The following SGMS1 variants were observed in gnomAD, a reference collection of about 807,000 sequenced individuals.
SGMS1 encodes phosphatidylcholine:ceramide cholinephosphotransferase 1.
In SGMS1, 13 loss-of-function variants were observed where a neutral mutation model predicts 46.2. The ratio of observed to expected loss-of-function variants is 0.28; its 90% CI spans 0.18 to 0.45. The LOEUF (loss-of-function observed/expected upper bound fraction) is 0.45, where lower values mean the gene tolerates loss of function less well. Ranked by LOEUF, SGMS1 falls within the 20% of genes least tolerant of loss-of-function variation. SGMS1 has a pLI of 1.00. For synonymous variants in SGMS1, 203 were observed against 187.8 expected (o/e 1.08, Z -0.66); for missense variants, 324 against 519.9 (o/e 0.62, Z 3.66).
At chr10:50,562,105 C>G (rs967095418) in intron 2 of SGMS1, among the ~76,000 whole-genome samples, 1 of 152,150 alleles carries the variant, frequency 6.6e-6, no homozygotes, top group South Asian at 2.1e-4. Flanking sequence ...CTCAGGCCTA[C>G]GCTTTCTTTT....
chr10:50,597,126 T>A (rs888464416), intron 1 of SGMS1, among the ~76,000 whole-genome samples: 7 of 152,160 alleles, frequency 4.6e-5, no homozygotes, highest in Admixed American at 1.3e-4. Context: ...TAAAAAGGCA[T>A]AATAACCACC....
intron 2 of SGMS1, among the ~76,000 whole-genome samples, chr10:50,584,498 C>CAAAAA (rs751224205): frequency 1.0e-4 from 7 of 69,546 alleles, no homozygotes; most frequent in African/African-American, 1.7e-4. Flanking sequence ...GACTCCATCT[C>CAAAAA]AAAAAAAAAA....
At chr10:50,443,973 T>A (rs1246322001) in intron 5 of SGMS1, among the ~76,000 whole-genome samples, 2 of 152,118 alleles carry the variant, frequency 1.3e-5, no homozygotes, top group African/African-American at 4.8e-5. Context: ...AATATTGTGA[T>A]CTGCAGAGTA....
chr10:50,513,994 T>C (rs1186778286), intron 3 of SGMS1, among the ~76,000 whole-genome samples: 3 of 152,088 alleles, frequency 2.0e-5, no homozygotes, highest in Non-Finnish European at 4.4e-5. Flanking sequence ...ACTTTCCTCC[T>C]ACCAAAGGAA....
Position 50,333,645 on chromosome 10 carries a change from T to C in SGMS1, c.624-6323A>G, listed in dbSNP as rs142925571. 3.8e-3 allele frequency among the ~76,000 whole-genome samples: 578 copies of C among 152,276 alleles called. 6 individuals carry two copies. The highest frequency in any genetic ancestry group is 0.013 in the African/African-American group (560 of 41,556). On this transcript the variant is annotated intron_variant, in intron 7 of 10. Coordinates refer to ENST00000361781, the MANE Select transcript of SGMS1 (RefSeq NM_147156.4). ...AAATCCAGGGCTTAATTCAGTACTT[T>C]AGGAGAGAAAATTCTAAGGAAAGGT... is the stretch of plus-strand genomic sequence containing the variant.
intron 6 of SGMS1, among the ~76,000 whole-genome samples, chr10:50,360,155 T>C (rs942043358): frequency 1.3e-5 from 2 of 152,226 alleles, no homozygotes; most frequent in Non-Finnish European, 2.9e-5. Context: ...ATAGGAATCT[T>C]GGCTTTCTGT....
chr10:50,329,393 C>A (rs1363089017), intron 7 of SGMS1, among the ~76,000 whole-genome samples: 1 of 152,116 alleles, frequency 6.6e-6, no homozygotes, highest in Non-Finnish European at 1.5e-5. Flanking sequence ...TTGACCATTT[C>A]CATGTGAAAC....
chr10:50,623,982 G>A (rs1268388444), upstream of SGMS1: 1 of 985,344 alleles, frequency 1.0e-6, no homozygotes, highest in Non-Finnish European at 1.2e-6. Context: ...TCCGCTGCCC[G>A]AGCCGGCCCG....
chr10:50,543,078 G>A (rs1838070191), intron 2 of SGMS1, among the ~76,000 whole-genome samples: 1 of 152,058 alleles, frequency 6.6e-6, no homozygotes, highest in Non-Finnish European at 1.5e-5. Flanking sequence ...ACAGTACAGG[G>A]AAATAAAGTT....
intron 5 of SGMS1, among the ~76,000 whole-genome samples, chr10:50,451,962 T>G (rs1313250763): frequency 1.3e-5 from 2 of 152,162 alleles, no homozygotes; most frequent in African/African-American, 4.8e-5. Context: ...GAAATAACAC[T>G]GAGTAAAAGG....
At chr10:50,547,157 T>C (rs1331951696) in intron 2 of SGMS1, among the ~76,000 whole-genome samples, 1 of 152,126 alleles carries the variant, frequency 6.6e-6, no homozygotes, top group East Asian at 1.9e-4. Context: ...GTTGTTTCTA[T>C]TGAACCAAAC....
chr10:50,510,288 T>C (rs931722919), intron 3 of SGMS1, among the ~76,000 whole-genome samples: 5 of 152,208 alleles, frequency 3.3e-5, no homozygotes, highest in African/African-American at 1.2e-4. Context: ...CATTCACTAG[T>C]TGAAGGACAA....
chr10:50,359,261 G>A (rs1422007224), intron 6 of SGMS1, among the ~76,000 whole-genome samples: 2 of 152,098 alleles, frequency 1.3e-5, no homozygotes, highest in Non-Finnish European at 2.9e-5. Flanking sequence ...TCCACACTGT[G>A]TTTATTCAAT....
At chr10:50,526,063 C>T (rs1218654549) in intron 2 of SGMS1, among the ~76,000 whole-genome samples, 1 of 152,194 alleles carries the variant, frequency 6.6e-6, no homozygotes, top group Non-Finnish European at 1.5e-5. Context: ...GGAAGCCCAG[C>T]TCTGCTAGTG....
intron 3 of SGMS1, among the ~76,000 whole-genome samples, chr10:50,467,580 T>TA (rs1309816923): frequency 1.3e-5 from 2 of 152,202 alleles, no homozygotes; most frequent in Non-Finnish European, 2.9e-5. Context: ...GCCTATTTTT[T>TA]AAAAAATTAG....
chr10:50,364,311 A>G (rs569879832), intron 6 of SGMS1, among the ~76,000 whole-genome samples: 34 of 152,354 alleles, frequency 2.2e-4, no homozygotes, highest in Admixed American at 1.4e-3. Flanking sequence ...TGGCAGACTG[A>G]AAGTTCATCA....
intron 3 of SGMS1, among the ~76,000 whole-genome samples, chr10:50,503,667 C>T (rs1837680817): frequency 6.6e-6 from 1 of 152,232 alleles, no homozygotes; most frequent in Non-Finnish European, 1.5e-5. Context: ...TCACACACAG[C>T]CTGTTTGGTG....
intron 6 of SGMS1, among the ~76,000 whole-genome samples, chr10:50,403,417 C>T (rs1383132677): frequency 5.3e-5 from 8 of 152,138 alleles, no homozygotes; most frequent in Non-Finnish European, 1.0e-4. Flanking sequence ...TCTAGGGGTA[C>T]ATTTGTCAGG....
In SGMS1 at chr10:50,354,127, T is replaced by C. The variant is rs11633630; in HGVS notation, c.-231-9782A>G. ...TATAGAATCAAAACAGAGCCCGCATTGCGAAGTCAATCCTAAGCCAAAAGA... is the reference window on the plus strand; with the variant it reads ...TATAGAATCAAAACAGAGCCCGCATCGCGAAGTCAATCCTAAGCCAAAAGA... On this transcript the variant is annotated intron_variant, in intron 6 of 10. Transcript: ENST00000361781. 2.7e-5 allele frequency among the ~76,000 whole-genome samples: 4 copies of C among 146,374 alleles called. No homozygotes were observed. The South Asian group carries it at 6.8e-4, about 25-fold the overall frequency.
Sources: gnomAD v4.1 joint callset for allele counts (sites outside exome capture counted in the v4.1 genomes callset) on GRCh38, gnomAD v4.1.1 for gene constraint, MANE v1.5 for transcripts, NCBI Gene and HGNC (gene_info 2026-07-23, HGNC 2026-07-21) for gene names.